FHAD1: variants seen among roughly 807,000 people sequenced by gnomAD.
FHAD1 encodes the protein forkhead-associated domain-containing protein 1.
Under a neutral mutation model 191.3 loss-of-function variants are expected in FHAD1, and 146 were observed. The ratio of observed to expected loss-of-function variants is 0.76; its 90% CI spans 0.67 to 0.88. The LOEUF is 0.88. FHAD1 is among the 40% of genes least tolerant of loss of function. The pLI, the probability that FHAD1 is intolerant of heterozygous loss-of-function variation, is 0.00. For synonymous variants in FHAD1, 616 were observed against 672.3 expected (o/e 0.92, Z 1.29); for missense variants, 1,635 against 1,785.8 (o/e 0.92, Z 1.52).
At chr1:15,253,148 C>CTGTGTGTG (rs5772631) in intron 2 of FHAD1, among the ~76,000 whole-genome samples, 1,512 of 146,112 alleles carry the variant, frequency 0.01, 9 homozygotes, top group African/African-American at 0.021. Flanking sequence ...GACATAAGTG[C>CTGTGTGTG]TGTGTGTGTG....
chr1:15,333,155 G>A (rs1355439232), intron 14 of FHAD1, among the ~76,000 whole-genome samples: 2 of 152,206 alleles, frequency 1.3e-5, no homozygotes, highest in Non-Finnish European at 2.9e-5. Context: ...CAGCAGAAGA[G>A]GAAGTTGATG....
At chr1:15,387,664 G>A (rs1472053893) in intron 31 of FHAD1, among the ~76,000 whole-genome samples, 1 of 151,994 alleles carries the variant, frequency 6.6e-6, no homozygotes, top group Non-Finnish European at 1.5e-5. Flanking sequence ...GTAGGAGGAT[G>A]GCTTGAGCCC....
intron 2 of FHAD1, among the ~76,000 whole-genome samples, chr1:15,270,306 T>C (rs376636563): frequency 1.3e-5 from 2 of 152,288 alleles, no homozygotes; most frequent in African/African-American, 4.8e-5. Context: ...TTTAATATTT[T>C]GGGTGGCAAA....
Position 15,365,943 on chromosome 1 carries a change from A to G in FHAD1, c.3154+10A>G, listed in dbSNP as rs1477543416. 6.5e-7 allele frequency: 1 copy of G among 1,531,662 alleles called. No individual in the cohort carries two copies. Among genetic ancestry groups the G allele is most frequent in the Non-Finnish European group, 8.9e-7 (1 of 1,128,912 alleles). 94.9% of individuals were successfully genotyped at this position (1,531,662 alleles called of 1,614,324 possible). A position where few individuals can be genotyped will look rare whatever the true frequency, so the allele number is the denominator to read the frequency against. ...ATGTCGGATTTGAGAGGTTTGAACAATTTCTGGTGTCTCTTGACCTCCTGA... is the reference window on the plus strand; with the variant it reads ...ATGTCGGATTTGAGAGGTTTGAACAGTTTCTGGTGTCTCTTGACCTCCTGA... On this transcript the variant is annotated intron_variant, in intron 24 of 33. Coordinates refer to ENST00000688493, the MANE Select transcript of FHAD1 (RefSeq NM_001391957.1).
intron 8 of FHAD1, chr1:15,314,450 G>A (rs1044922404): frequency 6.6e-6 from 1 of 152,156 alleles, no homozygotes; most frequent in Non-Finnish European, 1.5e-5. Context: ...AGCGAAATGG[G>A]AACAACAAAA....
At chr1:15,339,666 C>T (rs1685718070) in intron 15 of FHAD1, 115 bp downstream of exon 15, 1 of 357,806 alleles carries the variant, frequency 2.8e-6, no homozygotes, top group South Asian at 2.4e-5. Flanking sequence ...AGTCCACACC[C>T]TCCAATAGGT....
At chr1:15,323,229 G>A (rs1676970190) in intron 10 of FHAD1, among the ~76,000 whole-genome samples, 1 of 152,170 alleles carries the variant, frequency 6.6e-6, no homozygotes, top group Non-Finnish European at 1.5e-5. Flanking sequence ...TCTGACAGCT[G>A]GTGCCAAAGG....
chr1:15,318,603 C>T lies in FHAD1; in HGVS notation c.1365+675C>T, dbSNP rs902943331. On this transcript the variant is annotated intron_variant, in intron 10 of 33. Transcript: ENST00000688493. This position sits in a 1 kb window ranked among gnomAD's most constrained non-coding sequence, Gnocchi z 4.1. ...AAGCTGAGATCGTGCCACCGCACTC[C>T]AGCCTGGGCGACAGAGCAAGACTCC... 4.6e-5 allele frequency among the ~76,000 whole-genome samples: 7 copies of T among 151,702 alleles called. No homozygotes were observed. Among genetic ancestry groups the T allele is most frequent in the Middle Eastern group, 3.2e-3 (1 of 316 alleles).
At chr1:15,275,036 C>T (rs1221887773) in intron 3 of FHAD1, among the ~76,000 whole-genome samples, 7 of 151,916 alleles carry the variant, frequency 4.6e-5, no homozygotes, top group African/African-American at 1.5e-4. Flanking sequence ...GAGCTCGGCT[C>T]GCTGCAAGCT....
At chr1:15,281,716 G>A (rs1001322178) in intron 3 of FHAD1, among the ~76,000 whole-genome samples, 3 of 141,834 alleles carry the variant, frequency 2.1e-5, no homozygotes, top group Admixed American at 7.4e-5. Context: ...AGCTAAAATC[G>A]CGCTACTGCA....
chr1:15,365,195 T>G (rs1211939095), intron 23 of FHAD1, among the ~76,000 whole-genome samples: 1 of 152,168 alleles, frequency 6.6e-6, no homozygotes, highest in East Asian at 1.9e-4. Context: ...TCTTCCCATG[T>G]CCCTCCACCA....
chr1:15,360,363 C>A, intron 21 of FHAD1, 115 bp from the exon 22 acceptor site: 1 of 829,108 alleles, frequency 1.2e-6, no homozygotes, highest in Non-Finnish European at 1.9e-6. Context: ...ACTGCATGTG[C>A]TAAGGCCCTG....
chr1:15,392,871 C>G (rs777032448), intron 33 of FHAD1, among the ~76,000 whole-genome samples: 4 of 152,050 alleles, frequency 2.6e-5, no homozygotes, highest in Non-Finnish European at 2.9e-5. Flanking sequence ...TTAACAAGTA[C>G]TTACTGAGGA....
chr1:15,242,268 C>T (rs1469022102), upstream of FHAD1, among the ~76,000 whole-genome samples: 1 of 149,904 alleles, frequency 6.7e-6, no homozygotes, highest in African/African-American at 2.5e-5. Flanking sequence ...ACAAAAAGTA[C>T]AGCACTTTGT....
chr1:15,368,824 G>T (rs1211417455), intron 25 of FHAD1, among the ~76,000 whole-genome samples: 1 of 152,230 alleles, frequency 6.6e-6, no homozygotes, highest in African/African-American at 2.4e-5. Flanking sequence ...GCCTGTCCCA[G>T]CTATCTGGGA....
rs367958071 is a variant in FHAD1, at chr1:15,372,729, G to A, written c.3448-1773G>A. On this transcript the variant is annotated intron_variant, in intron 26 of 33. Transcript: ENST00000688493. ...ATATGCATGAAATGAACCAAAACTG[G>A]TATTTTAAAAAGTATTATAAAAGAG... Among the ~76,000 whole-genome samples, 108 of 152,234 alleles carry A rather than the reference G, an allele frequency of 7.1e-4. 1 individual carries two copies. The South Asian group carries it at 0.019, about 27-fold the overall frequency.
chr1:15,402,326 T>G (rs1334972552), downstream of FHAD1, among the ~76,000 whole-genome samples: 2 of 152,138 alleles, frequency 1.3e-5, no homozygotes, highest in Non-Finnish European at 2.9e-5. Context: ...GAGCACTTAC[T>G]TTTTTTTAAA....
rs766501972 is a variant in FHAD1 at position 15,397,314 on chromosome 1, C to G, written c.4341C>G (p.Ala1447=). ...TGTTAAAGGTTGGAACCAGAAAAGCCTCCCTAAAGATGGACCAAGAAAGAG... is the reference window on the plus strand; with the variant it reads ...TGTTAAAGGTTGGAACCAGAAAAGCGTCCCTAAAGATGGACCAAGAAAGAG... ...NSNSQVGTRK[A]SLKMDQEREM... Residue 1447 remains alanine (A), a synonymous_variant, in exon 34 of 34, where the codon GCC becomes GCG. Transcript: ENST00000688493. 3.8e-5 allele frequency: 58 copies of G among 1,529,282 alleles called. 1 individual carries two copies. The South Asian group carries it at 6.6e-4, about 17-fold the overall frequency. The allele number at this position is 1,529,282 out of a possible 1,614,324, so 94.7% of individuals were successfully genotyped here. A position where few individuals can be genotyped will look rare whatever the true frequency, so the allele number is the denominator to read the frequency against.
intron 4 of FHAD1, among the ~76,000 whole-genome samples, chr1:15,291,630 A>G (rs1664807915): frequency 6.6e-6 from 1 of 152,186 alleles, no homozygotes; most frequent in Non-Finnish European, 1.5e-5. Flanking sequence ...AAACAAACCA[A>G]AACCCTATGC....
Sources: gnomAD v4.1 joint callset for allele counts (sites outside exome capture counted in the v4.1 genomes callset) on GRCh38, gnomAD v4.1.1 for gene constraint, Gnocchi (gnomAD v3.1) non-coding constraint, MANE v1.5 for transcripts, NCBI Gene and HGNC (gene_info 2026-07-23, HGNC 2026-07-21) for gene names.